Variants in NREP observed in about 807,000 individuals in gnomAD.
The protein encoded by NREP is neuronal regeneration-related protein.
In NREP, 5 loss-of-function variants were observed where a neutral mutation model predicts 8.6. The observed-to-expected ratio is 0.58, with a 90% CI of 0.30 to 1.22. The LOEUF is 1.22. Among genes scored for constraint, NREP ranks in the 50% most tolerant of loss-of-function variants. The pLI is 0.07. For missense variants in NREP, 86 were observed against 82.5 expected, an observed-to-expected ratio of 1.04 and a Z score of -0.17; for synonymous variants, 27 against 28.0, an observed-to-expected ratio of 0.96 and a Z score of 0.11.
In NREP at chr5:111,885,667, G is replaced by A. The variant is rs1217722463; in HGVS notation, c.135+89607C>T. Among the ~76,000 whole-genome samples the A allele has an allele frequency of 6.7e-4, 102 of 152,056 alleles. 1 individual carries two copies. The highest frequency in any genetic ancestry group is 1.9e-3 in the African/African-American group (80 of 41,486). On this transcript the variant is annotated intron_variant, in intron 2 of 3. Transcript: ENST00000395634. Reference sequence around the variant, plus strand: ...GAACAGAGCCCTCAGAAATAATGCCGCATATCTTCAACTATCTGATCTTTG... The same window carrying A: ...GAACAGAGCCCTCAGAAATAATGCCACATATCTTCAACTATCTGATCTTTG...
At chr5:111,888,668 TACA>T (rs1365342092) in intron 2 of NREP, among the ~76,000 whole-genome samples, 1 of 152,194 alleles carries the variant, frequency 6.6e-6, no homozygotes, top group Non-Finnish European at 1.5e-5. Context: ...ATGAAAAGTG[TACA>T]ACCTGTTGTA....
intron 2 of NREP, among the ~76,000 whole-genome samples, chr5:111,956,343 C>T (rs1756318280): frequency 1.3e-5 from 2 of 151,886 alleles, no homozygotes; most frequent in Non-Finnish European, 2.9e-5. Context: ...TATTTAAAGT[C>T]TTCAAAGACA....
At chr5:111,785,622 A>G (rs1206735043) in intron 2 of NREP, among the ~76,000 whole-genome samples, 1 of 152,142 alleles carries the variant, frequency 6.6e-6, no homozygotes, top group Non-Finnish European at 1.5e-5. Flanking sequence ...TACTGTTGGT[A>G]AAAATATGTG....
At chr5:111,938,597 G>A (rs1236724051) in intron 2 of NREP, among the ~76,000 whole-genome samples, 1 of 152,022 alleles carries the variant, frequency 6.6e-6, no homozygotes, top group African/African-American at 2.4e-5. Context: ...GTCACTTACT[G>A]TATGTGTGAC....
intron 2 of NREP, among the ~76,000 whole-genome samples, chr5:111,906,004 A>T (rs1248114668): frequency 2.0e-5 from 3 of 152,066 alleles, no homozygotes; most frequent in Non-Finnish European, 4.4e-5. Flanking sequence ...ATAACAGTAA[A>T]GAATATAATC....
chr5:111,890,797 C>T (rs143435339), intron 2 of NREP, among the ~76,000 whole-genome samples: 127 of 152,328 alleles, frequency 8.3e-4, no homozygotes, highest in African/African-American at 2.9e-3. Flanking sequence ...GTAGCAGGGT[C>T]CTGGGCCTGA....
intron 2 of NREP, among the ~76,000 whole-genome samples, chr5:111,776,792 C>T (rs1478248076): frequency 6.6e-6 from 1 of 152,010 alleles, no homozygotes; most frequent in African/African-American, 2.4e-5. Flanking sequence ...AGAGATTTGC[C>T]CTGGGGCATG....
chr5:111,840,508 T>TGTAGTTAAG (rs1753003853), intron 2 of NREP, among the ~76,000 whole-genome samples: 1 of 152,124 alleles, frequency 6.6e-6, no homozygotes, highest in Non-Finnish European at 1.5e-5. Flanking sequence ...CATTAGAGAC[T>TGTAGTTAAG]GTAGTTAAGT....
At chr5:111,848,852 G>A (rs1359417446) in intron 2 of NREP, among the ~76,000 whole-genome samples, 2 of 150,680 alleles carry the variant, frequency 1.3e-5, no homozygotes, top group African/African-American at 5.0e-5. Flanking sequence ...AGGAGCCTGA[G>A]CCTAAGAAAC....
intron 2 of NREP, among the ~76,000 whole-genome samples, chr5:111,901,524 T>C (rs530290402): frequency 9.2e-5 from 14 of 152,074 alleles, no homozygotes; most frequent in Non-Finnish European, 1.5e-4. Flanking sequence ...AGTCAAATTG[T>C]TCCTCTTGGC....
chr5:111,872,636 C>T (rs112401664), intron 2 of NREP, among the ~76,000 whole-genome samples: 1 of 151,988 alleles, frequency 6.6e-6, no homozygotes. Context: ...CTTGAGTGAA[C>T]GTTTTGTACA....
intron 2 of NREP, among the ~76,000 whole-genome samples, chr5:111,793,796 T>C (rs1751810945): frequency 6.6e-6 from 1 of 152,170 alleles, no homozygotes; most frequent in Non-Finnish European, 1.5e-5. Context: ...CAGTGGCTCA[T>C]GTCTGTAATT....
At position 111,750,406 on chromosome 5, in the gene NREP, G is replaced by A. The variant is rs541239027; in HGVS notation, c.3+5364C>T. Among the ~76,000 whole-genome samples, 254 of 152,216 alleles carry A rather than the reference G, an allele frequency of 1.7e-3. 2 individuals carry two copies. The highest frequency in any genetic ancestry group is 6.0e-3 in the African/African-American group (248 of 41,532). ...TTCAAATTTTGTGCCAACTCCAATC[G>A]TTAATGGCGCCCTGGAACACTGTAT... On this transcript the variant is annotated intron_variant, in intron 2 of 3. Transcript: ENST00000257435.
intron 2 of NREP, among the ~76,000 whole-genome samples, chr5:111,899,643 T>C (rs760070525): frequency 2.6e-5 from 4 of 152,328 alleles, no homozygotes; most frequent in Admixed American, 1.3e-4. Flanking sequence ...TTAAAAGATA[T>C]AGACTGGTTG....
At chr5:111,933,769 T>C (rs1424990306) in intron 2 of NREP, among the ~76,000 whole-genome samples, 1 of 152,106 alleles carries the variant, frequency 6.6e-6, no homozygotes, top group Non-Finnish European at 1.5e-5. Context: ...AGAATTCTTT[T>C]TGCTCTACTT....
intron 2 of NREP, among the ~76,000 whole-genome samples, chr5:111,812,039 G>A (rs1416843953): frequency 6.6e-6 from 1 of 152,164 alleles, no homozygotes; most frequent in Non-Finnish European, 1.5e-5. Flanking sequence ...TGTAATCGCA[G>A]CACTTTGGGA....
chr5:111,827,726 C>T (rs2112931430), intron 2 of NREP, among the ~76,000 whole-genome samples: 1 of 152,116 alleles, frequency 6.6e-6, no homozygotes, highest in Non-Finnish European at 1.5e-5. Context: ...ACCTGTAATC[C>T]CAGCTACTCA....
chr5:111,817,301 T>C (rs755710603), intron 2 of NREP, among the ~76,000 whole-genome samples: 1 of 152,204 alleles, frequency 6.6e-6, no homozygotes, highest in Non-Finnish European at 1.5e-5. Context: ...GGAACCTCAG[T>C]GCATCATTGA....
chr5:111,944,520 G>A (rs749707039), intron 2 of NREP, among the ~76,000 whole-genome samples: 2 of 152,034 alleles, frequency 1.3e-5, no homozygotes, highest in Non-Finnish European at 2.9e-5. Context: ...GTTGCCCAAG[G>A]TGGTCTTGAA....
Sources: gnomAD v4.1 joint callset for allele counts (sites outside exome capture counted in the v4.1 genomes callset) on GRCh38, gnomAD v4.1.1 for gene constraint, MANE v1.5 for transcripts, NCBI Gene and HGNC (gene_info 2026-07-23, HGNC 2026-07-21) for gene names.